Variants in MED17 observed in about 807,000 individuals in gnomAD.
The protein encoded by MED17 is mediator of RNA polymerase II transcription subunit 17.
Under a neutral mutation model 80.8 loss-of-function variants are expected in MED17, and 49 were observed. The ratio of observed to expected loss-of-function variants is 0.61; its 90% CI spans 0.48 to 0.77. The LOEUF (loss-of-function observed/expected upper bound fraction) is 0.77. Ranked by LOEUF, MED17 falls within the 30% of genes least tolerant of loss-of-function variation. The pLI is 0.00. For synonymous variants in MED17, 281 were observed against 280.4 expected, an observed-to-expected ratio of 1.00 and a Z score of -0.02; for missense variants, 718 against 787.0, an observed-to-expected ratio of 0.91 and a Z score of 1.05.
chr11:93,788,086 C>G lies in MED17; in HGVS notation c.336C>G (p.Leu112=), dbSNP rs749932969. ...GTGCCCTGACAGAGATGTGTGTTCT[C>G]TATGATGTTCTCAGTATTGTTAGGG... ...LRSALTEMCV[L]YDVLSIVRDK... is the part of the protein sequence containing the mutation. The change falls in exon 2 of 12, where the codon CTC becomes CTG. Residue 112 remains leucine, a synonymous_variant. Coordinates refer to ENST00000251871, the MANE Select transcript of MED17 (RefSeq NM_004268.5). The G allele has an allele frequency of 2.5e-6, 4 of 1,613,458 alleles. No individual in the cohort carries two copies. Among genetic ancestry groups the G allele is most frequent in the Non-Finnish European group, 3.4e-6 (4 of 1,179,614 alleles).
Position 93,784,455 on chromosome 11 carries a change from TTCGTACC to T in MED17, c.-54_-48del. The T allele has an allele frequency of 6.4e-7, 1 of 1,553,550 alleles. No homozygotes were observed. The highest frequency in any genetic ancestry group is 8.7e-7 in the Non-Finnish European group (1 of 1,151,230). ...CGGCTCTCCGCAGGGAAGCCTCCTC[TTCGTACC>T]TCGTTTTTTGGCTCGTGGGGGGTCC... On this transcript the variant is annotated 5_prime_UTR_variant, in exon 1 of 12. Coordinates refer to ENST00000251871, the MANE Select transcript of MED17 (RefSeq NM_004268.5).
In MED17 at chr11:93,812,444, A is replaced by AATTTTTTTTT; in HGVS notation, c.*380_*381insATTTTTTTTT. The AATTTTTTTTT allele has an allele frequency of 2.4e-6, 1 of 417,502 alleles. No individual in the cohort carries two copies. The highest frequency in any genetic ancestry group is 4.2e-5 in the Admixed American group (1 of 23,530). 25.9% of individuals were successfully genotyped at this position (417,502 alleles called of 1,614,324 possible). A position where few individuals can be genotyped will look rare whatever the true frequency, so the allele number is the denominator to read the frequency against. On this transcript the variant is annotated 3_prime_UTR_variant, in exon 12 of 12. Transcript: ENST00000251871. ...TTTTTTCCCCCCAAATACTTTCTAA[A>AATTTTTTTTT]CTTTTTTTTTTTGAGATGGTATCTC...
In MED17 at chr11:93,807,393, A is replaced by G. The variant is rs977040330; in HGVS notation, c.1467-125A>G. 8.7e-6 allele frequency: 6 copies of G among 692,910 alleles called. No homozygotes were observed. In the African/African-American group the frequency reaches 1.1e-4, roughly 12 times the overall value. 42.9% of individuals were successfully genotyped at this position (692,910 alleles called of 1,614,324 possible). On this transcript the variant is annotated intron_variant, in intron 9 of 11. Coordinates refer to ENST00000251871, the MANE Select transcript of MED17 (RefSeq NM_004268.5). ...ACGCCACTGCACTCCAGCCTGGGCA[A>G]CAGGCTTTGAGACTTTGTCTAAAAA...
intron 3 of MED17, among the ~76,000 whole-genome samples, chr11:93,791,347 G>T (rs1943834496): frequency 2.0e-5 from 3 of 152,016 alleles, no homozygotes. Context: ...AAGCATAATT[G>T]ACTTTTTAGT....
At chr11:93,786,018 A>G (rs1211472443) in intron 1 of MED17, among the ~76,000 whole-genome samples, 1 of 152,200 alleles carries the variant, frequency 6.6e-6, no homozygotes, top group Non-Finnish European at 1.5e-5. Flanking sequence ...ACACACAACC[A>G]CACACCTACC....
At position 93,811,858 on chromosome 11, in the gene MED17, A is replaced by T. The variant is rs1944087863; in HGVS notation, c.1750A>T (p.Asn584Tyr). Residue 584 changes from asparagine (N) to tyrosine (Y), a missense_variant, in exon 12 of 12, where the codon AAT becomes TAT. Transcript: ENST00000251871. ...ATTTTGGTTTTTCTCCACAGTTCGT[A>T]ATGGACCTGAAAGTGGCAGCAAGAT... ...PSGDYAISVR[N>Y]GPESGSKIMV... The T allele has an allele frequency of 6.2e-7, 1 of 1,613,974 alleles. No individual in the cohort carries two copies. Among genetic ancestry groups the T allele is most frequent in the Non-Finnish European group, 8.5e-7 (1 of 1,180,000 alleles).
At chr11:93,788,743 G>C (rs1174550864) in intron 2 of MED17, 4 of 151,674 alleles carry the variant, frequency 2.6e-5, no homozygotes, top group Non-Finnish European at 5.9e-5. Context: ...AATTCTTATA[G>C]CCTGGGTCCT....
chr11:93,801,497 AC>A (rs1484779772), intron 8 of MED17: 2 of 312,120 alleles, frequency 6.4e-6, no homozygotes, highest in Admixed American at 4.6e-5. Context: ...TTAGGTTTAT[AC>A]CGTAGAATAT....
chr11:93,806,963 C>A, intron 9 of MED17: 1 of 154,694 alleles, frequency 6.5e-6, no homozygotes, highest in Non-Finnish European at 1.4e-5. Context: ...GCTATATAGA[C>A]AGTTGCATGG....
chr11:93,809,275 C>CA, intron 10 of MED17: 1 of 301,542 alleles, frequency 3.3e-6, no homozygotes, highest in Non-Finnish European at 6.5e-6. Flanking sequence ...ACCCTGACCT[C>CA]ACTCTTCCCT....
In MED17 at chr11:93,812,321, A is replaced by C; in HGVS notation, c.*257A>C. 1.8e-6 allele frequency: 1 copy of C among 552,842 alleles called. No homozygotes were observed. Among genetic ancestry groups the C allele is most frequent in the South Asian group, 2.8e-5 (1 of 35,488 alleles). The allele number at this position is 552,842 out of a possible 1,614,324, so 34.2% of individuals were successfully genotyped here. A position where few individuals can be genotyped will look rare whatever the true frequency, so the allele number is the denominator to read the frequency against. ...ATATGTTTTTCATGCAGTTTAAAATATTACTAACTTAAGGGTTTCTATGTG... is the reference window on the plus strand; with the variant it reads ...ATATGTTTTTCATGCAGTTTAAAATCTTACTAACTTAAGGGTTTCTATGTG... On this transcript the variant is annotated 3_prime_UTR_variant, in exon 12 of 12. Coordinates refer to ENST00000251871, the MANE Select transcript of MED17 (RefSeq NM_004268.5).
chr11:93,812,475 G>A lies in MED17; in HGVS notation c.*411G>A. The stretch of plus-strand genomic sequence containing the variant: ...TTTTTTTGAGATGGTATCTCACTCT[G>A]TAGCCCAGTCTGGAGTGCAGTGGTG... On this transcript the variant is annotated 3_prime_UTR_variant, in exon 12 of 12. Coordinates refer to ENST00000251871, the MANE Select transcript of MED17 (RefSeq NM_004268.5). The A allele has an allele frequency of 3.0e-6, 1 of 334,836 alleles. No individual in the cohort carries two copies. The allele number at this position is 334,836 out of a possible 1,614,324, so 20.7% of individuals were successfully genotyped here. A position where few individuals can be genotyped will look rare whatever the true frequency, so the allele number is the denominator to read the frequency against.
chr11:93,787,208 TC>T (rs1194887313), intron 1 of MED17, among the ~76,000 whole-genome samples: 2 of 151,898 alleles, frequency 1.3e-5, no homozygotes, highest in Non-Finnish European at 2.9e-5. Flanking sequence ...GGTCAGGAGA[TC>T]AAGACCATCC....
chr11:93,796,824 G>C (rs906977770), intron 7 of MED17: 2 of 399,840 alleles, frequency 5.0e-6, no homozygotes, highest in Non-Finnish European at 9.5e-6. Flanking sequence ...CTGACCGGGG[G>C]AGTTAAGGGA....
At chr11:93,791,135 T>C (rs552359349) in intron 3 of MED17, among the ~76,000 whole-genome samples, 2 of 152,206 alleles carry the variant, frequency 1.3e-5, no homozygotes, top group Non-Finnish European at 2.9e-5. Context: ...ATGCTTTCTG[T>C]GTAAGTATAA....
chr11:93,811,115 A>G (rs1367691452), intron 11 of MED17: 1 of 152,356 alleles, frequency 6.6e-6, no homozygotes, highest in Non-Finnish European at 1.5e-5. Context: ...GGTAGTTAGA[A>G]ATATTTCCTC....
At chr11:93,809,563 C>T (rs534422899) in intron 10 of MED17, 154 bp from the exon 11 acceptor site, 1 of 773,870 alleles carries the variant, frequency 1.3e-6, no homozygotes. Flanking sequence ...ATTCCCTCCC[C>T]CTAAGTTACG....
At chr11:93,797,037 A>G (rs1943911149) in intron 7 of MED17, 1 of 206,328 alleles carries the variant, frequency 4.8e-6, no homozygotes, top group African/African-American at 2.4e-5. Context: ...TGATGATGCA[A>G]GAGTTGTTTT....
At chr11:93,807,662 C>T (rs907346036) in intron 10 of MED17, 27 bp downstream of exon 10, 6 of 1,292,880 alleles carry the variant, frequency 4.6e-6, no homozygotes, top group African/African-American at 2.9e-5. Flanking sequence ...TTGTCTTAAG[C>T]CCCCTTCTTC....
Sources: allele counts gnomAD v4.1 joint callset (sites outside exome capture counted in the v4.1 genomes callset), GRCh38; gene constraint gnomAD v4.1.1; transcripts MANE v1.5; gene names NCBI Gene and HGNC (gene_info 2026-07-23, HGNC 2026-07-21).